RTF2: variants seen among roughly 807,000 people sequenced by gnomAD.
RTF2 encodes the protein replication termination factor 2.
Under a neutral mutation model 38.0 loss-of-function variants are expected in RTF2, and 18 were observed. That is an observed-to-expected ratio of 0.47 (90% CI 0.33 to 0.70). The LOEUF is 0.70. Ranked by LOEUF, RTF2 falls within the 30% of genes least tolerant of loss-of-function variation. RTF2 has a pLI of 0.02. For missense variants in RTF2, 311 were observed against 379.6 expected, an observed-to-expected ratio of 0.82 and a Z score of 1.50; for synonymous variants, 126 against 137.1, an observed-to-expected ratio of 0.92 and a Z score of 0.57.
chr20:56,482,735 A>G (rs1183111066), intron 4 of RTF2, among the ~76,000 whole-genome samples: 2 of 152,360 alleles, frequency 1.3e-5, no homozygotes, highest in Middle Eastern at 3.4e-3. Flanking sequence ...TGCGTCTGCT[A>G]TAATCCCTGG....
chr20:56,518,434 C>T lies in RTF2; in HGVS notation c.*169C>T. On this transcript the variant is annotated 3_prime_UTR_variant, in exon 9 of 9. Transcript: ENST00000357348. ...TGGCCACTCTTGATGTGAGGCGTGT[C>T]GGTTCCAGGGGGGACATGGGAGGGG... The T allele has an allele frequency of 6.5e-6, 4 of 610,980 alleles. No homozygotes were observed. In the South Asian group the frequency reaches 7.9e-5, roughly 12 times the overall value. 37.8% of individuals were successfully genotyped at this position (610,980 alleles called of 1,614,324 possible).
At chr20:56,482,897 C>T (rs754760793) in intron 4 of RTF2, among the ~76,000 whole-genome samples, 70 of 152,344 alleles carry the variant, frequency 4.6e-4, no homozygotes, top group Non-Finnish European at 8.4e-4. Context: ...CCCATATCCA[C>T]GCTTCTCCAC....
chr20:56,485,859 C>T (rs1272455144), intron 5 of RTF2, among the ~76,000 whole-genome samples: 1 of 152,184 alleles, frequency 6.6e-6, no homozygotes, highest in Non-Finnish European at 1.5e-5. Context: ...TTATGTGAGA[C>T]ATCACACTCT....
At chr20:56,511,804 G>A (rs776345323) in intron 5 of RTF2, among the ~76,000 whole-genome samples, 2 of 152,130 alleles carry the variant, frequency 1.3e-5, no homozygotes, top group East Asian at 1.9e-4. Context: ...TAGACCCCAA[G>A]TGGTTAGAGA....
rs568893901 is a variant in RTF2 at position 56,479,652 on chromosome 20, T to C, written c.398+2528T>C. ...ATGGCAGCTATAGCCTTATGAAATGTATTTTTAAATAAGACTTTAAAGTCA... is the reference window on the plus strand; with the variant it reads ...ATGGCAGCTATAGCCTTATGAAATGCATTTTTAAATAAGACTTTAAAGTCA... On this transcript the variant is annotated intron_variant, in intron 4 of 8. Coordinates refer to ENST00000357348, the MANE Select transcript of RTF2 (RefSeq NM_016407.5). Among the ~76,000 whole-genome samples, 3 of 152,346 alleles carry C rather than the reference T, an allele frequency of 2.0e-5. No homozygotes were observed. In the East Asian group the frequency reaches 5.8e-4, roughly 29 times the overall value.
At chr20:56,496,835 A>C in intron 5 of RTF2, 1 of 1,551,868 alleles carries the variant, frequency 6.4e-7, no homozygotes. Context: ...TTGGAGGTGC[A>C]TAGATACTTC....
chr20:56,492,893 C>G (rs1983258828), intron 5 of RTF2, among the ~76,000 whole-genome samples: 1 of 151,044 alleles, frequency 6.6e-6, no homozygotes. Flanking sequence ...AAAAACGTAT[C>G]TTGGCTGGGC....
intron 5 of RTF2, among the ~76,000 whole-genome samples, chr20:56,489,597 T>C (rs947017435): frequency 3.3e-5 from 5 of 152,158 alleles, no homozygotes; most frequent in Admixed American, 3.3e-4. Context: ...TCTCATCCGT[T>C]AAAAGTGTCA....
intron 5 of RTF2, among the ~76,000 whole-genome samples, chr20:56,498,656 G>A (rs556009017): frequency 1.3e-5 from 2 of 152,250 alleles, no homozygotes. Flanking sequence ...TGACCAAAAG[G>A]TTTCAGTTAA....
intron 5 of RTF2, among the ~76,000 whole-genome samples, chr20:56,495,760 C>A (rs1983489168): frequency 1.3e-5 from 2 of 152,192 alleles, no homozygotes; most frequent in Non-Finnish European, 2.9e-5. Flanking sequence ...ACACCACTGT[C>A]TAGGCTGATT....
chr20:56,496,551 A>G, intron 5 of RTF2: 1 of 1,377,082 alleles, frequency 7.3e-7, no homozygotes, highest in East Asian at 2.6e-5. Context: ...CCGTCTCAAA[A>G]TCAGTCAGTC....
At chr20:56,499,866 A>G (rs1402531141) in intron 5 of RTF2, among the ~76,000 whole-genome samples, 1 of 151,452 alleles carries the variant, frequency 6.6e-6, no homozygotes, top group Non-Finnish European at 1.5e-5. Flanking sequence ...CCTCCTGAGT[A>G]GCTGGGATTA....
At position 56,495,289 on chromosome 20, in the gene RTF2, C is replaced by G. The variant is rs566400667; in HGVS notation, c.477+11100C>G. On this transcript the variant is annotated intron_variant, in intron 5 of 8. Transcript: ENST00000357348. ...TCCCAGCCAGCGTTTGGTGTAGCAC[C>G]TGGAGCATCTAAGAGGAAAACAAAA... The G allele has an allele frequency of 1.4e-5, 21 of 1,551,314 alleles. No homozygotes were observed. In the African/African-American group the frequency reaches 2.2e-4, roughly 16 times the overall value.
chr20:56,483,366 G>T (rs1982622554), intron 4 of RTF2, among the ~76,000 whole-genome samples: 1 of 149,862 alleles, frequency 6.7e-6, no homozygotes, highest in Non-Finnish European at 1.5e-5. Context: ...AAAGCGACAA[G>T]CGACAGAATC....
At chr20:56,491,243 T>G (rs760052539) in intron 5 of RTF2, among the ~76,000 whole-genome samples, 1 of 152,230 alleles carries the variant, frequency 6.6e-6, no homozygotes, top group Non-Finnish European at 1.5e-5. Flanking sequence ...TGTGTCGTTC[T>G]TATTCCAGCT....
intron 4 of RTF2, among the ~76,000 whole-genome samples, chr20:56,483,449 A>G (rs529267711): frequency 2.0e-5 from 3 of 151,788 alleles, no homozygotes; most frequent in Non-Finnish European, 4.4e-5. Context: ...CAGCCTCCCT[A>G]GTAGCTGGGA....
At chr20:56,500,937 T>C (rs1983886809) in intron 5 of RTF2, among the ~76,000 whole-genome samples, 2 of 152,166 alleles carry the variant, frequency 1.3e-5, no homozygotes, top group Admixed American at 1.3e-4. Flanking sequence ...ATCTGGCTGA[T>C]TTTTTGTAGA....
At chr20:56,474,806 TG>T (rs1982155628) in intron 3 of RTF2, 35 bp downstream of exon 3, 1 of 1,335,472 alleles carries the variant, frequency 7.5e-7, no homozygotes, top group Non-Finnish European at 1.1e-6. Context: ...TGTGAGGGTC[TG>T]AACAGTGGCT....
intron 5 of RTF2, among the ~76,000 whole-genome samples, chr20:56,494,406 C>T (rs923552686): frequency 1.3e-5 from 2 of 152,092 alleles, no homozygotes; most frequent in African/African-American, 4.8e-5. Flanking sequence ...ACCATGTGCA[C>T]ACCTGAGGGG....
Sources: gnomAD v4.1 joint callset for allele counts (sites outside exome capture counted in the v4.1 genomes callset) on GRCh38, gnomAD v4.1.1 for gene constraint, MANE v1.5 for transcripts, NCBI Gene and HGNC (gene_info 2026-07-23, HGNC 2026-07-21) for gene names.